The following UBE3A variants were observed in gnomAD, a reference collection of about 807,000 sequenced individuals.
The protein encoded by UBE3A is ubiquitin protein ligase E3A.
A neutral mutation model predicts 83.4 loss-of-function variants in UBE3A; 6 were observed. That is an observed-to-expected ratio of 0.07 (90% confidence interval 0.04 to 0.14). The LOEUF (loss-of-function observed/expected upper bound fraction) is 0.14. Among genes scored for constraint, UBE3A ranks in the 10% least tolerant of loss-of-function variants. The pLI, the probability that UBE3A is intolerant of heterozygous loss-of-function variation, is 1.00. For synonymous variants in UBE3A, 337 were observed against 355.4 expected, an observed-to-expected ratio of 0.95 and a Z score of 0.58; for missense variants, 456 against 1,036.1, an observed-to-expected ratio of 0.44 and a Z score of 7.69.
chr15:25,369,581 G>T (rs1450219538), intron 6 of UBE3A, among the ~76,000 whole-genome samples: 1 of 151,932 alleles, frequency 6.6e-6, no homozygotes, highest in Non-Finnish European at 1.5e-5. Context: ...GTATACTATA[G>T]TATTATTAAC....
At chr15:25,346,432 T>A (rs2075703332) in intron 11 of UBE3A, 1 of 149,768 alleles carries the variant, frequency 6.7e-6, no homozygotes, top group South Asian at 2.1e-4. Flanking sequence ...AAGTTAAAAT[T>A]TTTAAAAAGT....
In UBE3A at chr15:25,350,590, C is replaced by T. The variant is rs919069532; in HGVS notation, c.2354+3763G>A. ...ATGCACCTGCTATATGCTTTGGAAA[C>T]TCCACTCCTACATGTTTGCCCAGGA... On this transcript the variant is annotated intron_variant, in intron 11 of 12. Transcript: ENST00000648336. Among the ~76,000 whole-genome samples, 5 of 152,224 alleles carry T rather than the reference C, an allele frequency of 3.3e-5. No homozygotes were observed. The East Asian group carries it at 9.7e-4, about 29-fold the overall frequency.
intron 1 of UBE3A, among the ~76,000 whole-genome samples, chr15:25,429,931 G>C (rs1381756881): frequency 6.8e-6 from 1 of 146,298 alleles, no homozygotes; most frequent in African/African-American, 2.6e-5. Flanking sequence ...CTTGAACCCA[G>C]GAGGCGGAGG....
At chr15:25,351,585 T>A (rs1456390256) in intron 11 of UBE3A, among the ~76,000 whole-genome samples, 2 of 152,202 alleles carry the variant, frequency 1.3e-5, no homozygotes, top group Non-Finnish European at 2.9e-5. Context: ...TTCTCCTGCC[T>A]CAGCCTCCCG....
intron 6 of UBE3A, among the ~76,000 whole-genome samples, chr15:25,366,989 G>A (rs144391638): frequency 1.6e-3 from 247 of 151,524 alleles, no homozygotes; most frequent in African/African-American, 5.7e-3. Flanking sequence ...CCATTCAGAT[G>A]TGAAGGCAGT....
chr15:25,397,810 A>G (rs1306040525), intron 4 of UBE3A, among the ~76,000 whole-genome samples: 1 of 152,128 alleles, frequency 6.6e-6, no homozygotes, highest in Non-Finnish European at 1.5e-5. Context: ...TTACATCATC[A>G]GCAAAGTGAC....
intron 11 of UBE3A, among the ~76,000 whole-genome samples, chr15:25,353,296 G>C (rs572166632): frequency 5.9e-4 from 90 of 152,240 alleles, no homozygotes; most frequent in African/African-American, 2.1e-3. Flanking sequence ...ATACCACGAC[G>C]AACAACCTTA....
At chr15:25,354,256 C>A in intron 11 of UBE3A, 97 bp downstream of exon 11, 1 of 1,066,722 alleles carries the variant, frequency 9.4e-7, no homozygotes, top group South Asian at 1.3e-5. Flanking sequence ...TGTGAGTTTG[C>A]TTATTTGGGA....
At chr15:25,415,268 T>C (rs542524371) in intron 1 of UBE3A, among the ~76,000 whole-genome samples, 4 of 152,214 alleles carry the variant, frequency 2.6e-5, no homozygotes, top group Non-Finnish European at 5.9e-5. Flanking sequence ...ACACATATCA[T>C]TCTATATTCA....
chr15:25,410,312 T>TAG (rs2089699056), intron 2 of UBE3A, among the ~76,000 whole-genome samples: 1 of 152,174 alleles, frequency 6.6e-6, no homozygotes, highest in African/African-American at 2.4e-5. Flanking sequence ...TACATGGCCT[T>TAG]AGCTGAACTT....
At chr15:25,359,824 G>A (rs2077776834) in intron 7 of UBE3A, among the ~76,000 whole-genome samples, 1 of 152,090 alleles carries the variant, frequency 6.6e-6, no homozygotes, top group Non-Finnish European at 1.5e-5. Context: ...TTCCCAAACT[G>A]TGTTCAATAA....
At chr15:25,356,143 A>C in intron 8 of UBE3A, 87 bp from the exon 9 acceptor site, 1 of 1,495,438 alleles carries the variant, frequency 6.7e-7, no homozygotes, top group Non-Finnish European at 9.3e-7. Context: ...GAAGACAACA[A>C]AAATCTTATC....
At chr15:25,364,506 T>A (rs1419557549) in intron 6 of UBE3A, among the ~76,000 whole-genome samples, 1 of 152,220 alleles carries the variant, frequency 6.6e-6, no homozygotes, top group Non-Finnish European at 1.5e-5. Context: ...CTGTATTTTT[T>A]AAGTCAGAAG....
At chr15:25,382,411 A>G (rs2082341861) in intron 4 of UBE3A, among the ~76,000 whole-genome samples, 1 of 152,052 alleles carries the variant, frequency 6.6e-6, no homozygotes, top group Non-Finnish European at 1.5e-5. Flanking sequence ...AAAAAAGTAA[A>G]ATTGTAGAAC....
intron 11 of UBE3A, among the ~76,000 whole-genome samples, chr15:25,347,644 G>A (rs1338725214): frequency 2.6e-5 from 4 of 152,190 alleles, no homozygotes; most frequent in South Asian, 4.1e-4. Context: ...ATGTTGCAGT[G>A]AGCTGAGATT....
chr15:25,344,644 AAAAAC>A (rs1566845082), intron 11 of UBE3A, among the ~76,000 whole-genome samples: 1 of 152,220 alleles, frequency 6.6e-6, no homozygotes, highest in Non-Finnish European at 1.5e-5. Context: ...AAACCAACCA[AAAAAC>A]AAAATTAAAT....
chr15:25,373,541 A>G (rs573824139), intron 5 of UBE3A: 1 of 152,300 alleles, frequency 6.6e-6, no homozygotes, highest in South Asian at 2.1e-4. Flanking sequence ...CAGTGGCACC[A>G]TTTCGGCTCA....
At position 25,334,995 on chromosome 15, in the gene UBE3A, T is replaced by C. The variant is rs188846787; in HGVS notation, c.*4142A>G. ...CATGTGAAAGGCAAAATGGTTTGTT[T>C]TTTTTTTTAAAAATGACAGTCTCTA... is the stretch of plus-strand genomic sequence containing the variant. On this transcript the variant is annotated 3_prime_UTR_variant, in exon 13 of 13. Transcript: ENST00000648336. 1.9e-3 allele frequency: 290 copies of C among 149,304 alleles called. 2 individuals carry two copies. Among genetic ancestry groups the C allele is most frequent in the African/African-American group, 6.8e-3 (276 of 40,680 alleles). The allele number at this position is 149,304 out of a possible 1,614,324, so 9.2% of individuals were successfully genotyped here.
rs1344730105 is a variant in UBE3A, at chr15:25,338,308, A to AACTT, written c.*825_*828dup. On this transcript the variant is annotated 3_prime_UTR_variant, in exon 13 of 13. Coordinates refer to ENST00000648336, the MANE Select transcript of UBE3A (RefSeq NM_130839.5). ...TTGGCCAAATGCACTTTCCCCAGTA[A>AACTT]ACTTAAAACAACAACGAGAACAACA... The AACTT allele has an allele frequency of 1.3e-5, 2 of 151,176 alleles. No homozygotes were observed. Among genetic ancestry groups the AACTT allele is most frequent in the Admixed American group, 6.7e-5 (1 of 14,874 alleles). The allele number at this position is 151,176 out of a possible 1,614,324, so 9.4% of individuals were successfully genotyped here.
Sources: allele counts gnomAD v4.1 joint callset (sites outside exome capture counted in the v4.1 genomes callset), GRCh38; gene constraint gnomAD v4.1.1; transcripts MANE v1.5; gene names NCBI Gene and HGNC (gene_info 2026-07-23, HGNC 2026-07-21).